The following ZMAT4 variants were observed in gnomAD, a reference collection of about 807,000 sequenced individuals.
ZMAT4 encodes zinc finger matrin-type protein 4.
In ZMAT4, 17 loss-of-function variants were observed where a neutral mutation model predicts 28.7. That is an observed-to-expected ratio of 0.59 (90% CI 0.41 to 0.89). The LOEUF (loss-of-function observed/expected upper bound fraction) is 0.89, where lower values mean the gene tolerates loss of function less well. Ranked by LOEUF, ZMAT4 falls within the 40% of genes least tolerant of loss-of-function variation. The pLI, the probability that ZMAT4 is intolerant of heterozygous loss-of-function variation, is 0.00. For synonymous variants in ZMAT4, 117 were observed against 109.2 expected (o/e 1.07, Z -0.44); for missense variants, 240 against 283.8 (o/e 0.85, Z 1.11).
At chr8:40,620,609 T>C (rs953148472) in intron 5 of ZMAT4, among the ~76,000 whole-genome samples, 2 of 152,244 alleles carry the variant, frequency 1.3e-5, no homozygotes, top group South Asian at 2.1e-4. Context: ...TATGTTATTA[T>C]GACAGAAATT....
At chr8:40,708,963 T>A (rs1563426361) in intron 3 of ZMAT4, among the ~76,000 whole-genome samples, 1 of 151,980 alleles carries the variant, frequency 6.6e-6, no homozygotes, top group Non-Finnish European at 1.5e-5. Flanking sequence ...CAAAACAAAC[T>A]ATAAATTGAG....
At chr8:40,697,170 G>A (rs1258855421) in intron 4 of ZMAT4, 75 bp downstream of exon 4, 2 of 1,454,766 alleles carry the variant, frequency 1.4e-6, no homozygotes, top group Non-Finnish European at 1.8e-6. Flanking sequence ...TGCGTCTGAA[G>A]GAGGAGCATG....
intron 2 of ZMAT4, among the ~76,000 whole-genome samples, chr8:40,811,384 C>A (rs1453592737): frequency 6.6e-6 from 1 of 152,158 alleles, no homozygotes; most frequent in East Asian, 1.9e-4. Context: ...TTAAAGGCAT[C>A]CTCCGGAACA....
At chr8:40,847,572 G>T (rs971316487) in intron 1 of ZMAT4, among the ~76,000 whole-genome samples, 2 of 152,190 alleles carry the variant, frequency 1.3e-5, no homozygotes, top group African/African-American at 2.4e-5. Flanking sequence ...GGAAATTTCC[G>T]CTTCTTCCTC....
intron 6 of ZMAT4, among the ~76,000 whole-genome samples, chr8:40,573,310 T>C (rs1006345486): frequency 6.6e-6 from 1 of 152,184 alleles, no homozygotes; most frequent in African/African-American, 2.4e-5. Flanking sequence ...TCCAGAAGTG[T>C]GAAATCAAGG....
Position 40,531,171 on chromosome 8 carries a change from A to T in ZMAT4, c.*1052T>A, listed in dbSNP as rs1802682613. 6.6e-6 allele frequency: 1 copy of T among 152,122 alleles called. No individual in the cohort carries two copies. The highest frequency in any genetic ancestry group is 2.4e-5 in the African/African-American group (1 of 41,394). The allele number at this position is 152,122 out of a possible 1,614,324, so 9.4% of individuals were successfully genotyped here. On this transcript the variant is annotated 3_prime_UTR_variant, in exon 7 of 7. Transcript: ENST00000297737. ...TTAAACCTAGAGAAAGAGCCTCATGATCTGCACTCAGACGCTCCCCATCAG... is the reference window on the plus strand; with the variant it reads ...TTAAACCTAGAGAAAGAGCCTCATGTTCTGCACTCAGACGCTCCCCATCAG...
chr8:40,644,888 G>A (rs1156458731), intron 5 of ZMAT4, among the ~76,000 whole-genome samples: 2 of 152,186 alleles, frequency 1.3e-5, no homozygotes, highest in African/African-American at 2.4e-5. Flanking sequence ...AATCCTGAGA[G>A]AAACATCAGG....
intron 2 of ZMAT4, among the ~76,000 whole-genome samples, chr8:40,783,168 T>C (rs750860235): frequency 8.5e-5 from 13 of 152,378 alleles, no homozygotes; most frequent in Non-Finnish European, 1.3e-4. Context: ...ATCCATCAAC[T>C]GATGAATGGA....
At chr8:40,584,822 C>T (rs113536591) in intron 5 of ZMAT4, among the ~76,000 whole-genome samples, 10 of 152,122 alleles carry the variant, frequency 6.6e-5, no homozygotes, top group African/African-American at 2.2e-4. Context: ...TTAGTAGAGA[C>T]GGAGTTTCAC....
Position 40,860,592 on chromosome 8 carries a change from C to T in ZMAT4, c.-4-34912G>A, listed in dbSNP as rs559448621. Among the ~76,000 whole-genome samples, 45 of 152,310 alleles carry T rather than the reference C, an allele frequency of 3.0e-4. 1 individual carries two copies. The South Asian group carries it at 9.1e-3, about 31-fold the overall frequency. On this transcript the variant is annotated intron_variant, in intron 1 of 6. Coordinates refer to ENST00000297737, the MANE Select transcript of ZMAT4 (RefSeq NM_024645.3). Reference sequence around the variant, plus strand: ...AGCCATAGATCTGTGCGTTTGCCACCTTGGACCTTAGGATAATAGCTCCCA... The same window carrying T: ...AGCCATAGATCTGTGCGTTTGCCACTTTGGACCTTAGGATAATAGCTCCCA...
chr8:40,565,769 T>TC (rs1403666405), intron 6 of ZMAT4, among the ~76,000 whole-genome samples: 1 of 151,670 alleles, frequency 6.6e-6, no homozygotes, highest in East Asian at 1.9e-4. Context: ...TTTTTTTTTT[T>TC]TTTTAATAAG....
chr8:40,591,732 T>C (rs1232370810), intron 5 of ZMAT4, among the ~76,000 whole-genome samples: 1 of 152,176 alleles, frequency 6.6e-6, no homozygotes, highest in Non-Finnish European at 1.5e-5. Context: ...CAAACCCTGG[T>C]ATGGAATTTG....
At chr8:40,625,465 G>T (rs1806339433) in intron 5 of ZMAT4, among the ~76,000 whole-genome samples, 1 of 152,132 alleles carries the variant, frequency 6.6e-6, no homozygotes, top group African/African-American at 2.4e-5. Flanking sequence ...AAGGGGCTTA[G>T]GGTGGTTGCG....
intron 1 of ZMAT4, among the ~76,000 whole-genome samples, chr8:40,885,527 A>T (rs1818422550): frequency 6.6e-6 from 1 of 152,156 alleles, no homozygotes; most frequent in African/African-American, 2.4e-5. Context: ...ATTTTTATTT[A>T]TTCATGTATT....
intron 2 of ZMAT4, among the ~76,000 whole-genome samples, chr8:40,803,047 C>T (rs1281116647): frequency 5.3e-5 from 8 of 152,126 alleles, no homozygotes; most frequent in Non-Finnish European, 1.0e-4. Flanking sequence ...TAGACATAGA[C>T]CTTACATTCT....
At position 40,581,157 on chromosome 8, in the gene ZMAT4, G is replaced by A; in HGVS notation, c.674+8C>T. The A allele has an allele frequency of 6.2e-7, 1 of 1,610,634 alleles. No individual in the cohort carries two copies. The highest frequency in any genetic ancestry group is 1.1e-5 in the South Asian group (1 of 90,808). On this transcript the variant is annotated splice_region_variant and intron_variant, in intron 6 of 6. Coordinates refer to ENST00000297737, the MANE Select transcript of ZMAT4 (RefSeq NM_024645.3). The stretch of plus-strand genomic sequence containing the variant: ...GAAACTGAAGAGTGAAAGCACAAAA[G>A]TACCTACTTGGTCTGGTGTTTAGAT...
intron 6 of ZMAT4, among the ~76,000 whole-genome samples, chr8:40,549,513 A>T (rs1282161241): frequency 6.6e-6 from 1 of 152,178 alleles, no homozygotes; most frequent in Admixed American, 6.5e-5. Context: ...CGCTTCATGC[A>T]ATCTTTTGAT....
intron 1 of ZMAT4, among the ~76,000 whole-genome samples, chr8:40,857,769 G>A (rs1048409411): frequency 5.9e-5 from 9 of 152,158 alleles, no homozygotes; most frequent in Non-Finnish European, 1.2e-4. Flanking sequence ...TATCCCATAT[G>A]CACATCAACA....
chr8:40,837,255 C>T (rs1816528334), intron 1 of ZMAT4, among the ~76,000 whole-genome samples: 1 of 152,208 alleles, frequency 6.6e-6, no homozygotes, highest in Admixed American at 6.5e-5. Flanking sequence ...AACCTCCTCT[C>T]CTTCTGCAGG....
Sources: allele counts gnomAD v4.1 joint callset (sites outside exome capture counted in the v4.1 genomes callset), GRCh38; gene constraint gnomAD v4.1.1; transcripts MANE v1.5; gene names NCBI Gene and HGNC (gene_info 2026-07-23, HGNC 2026-07-21).